Variants in ROBO1 observed in about 807,000 individuals in gnomAD.
ROBO1 encodes roundabout homolog 1.
In ROBO1, 149 loss-of-function variants were observed where a neutral mutation model predicts 195.9. The ratio of observed to expected loss-of-function variants is 0.76; its 90% confidence interval spans 0.67 to 0.87. The LOEUF (loss-of-function observed/expected upper bound fraction) is 0.87. Among genes scored for constraint, ROBO1 ranks in the 40% least tolerant of loss-of-function variants. The probability of loss-of-function intolerance (pLI) is 0.00; values close to 1 mark genes in which losing one functional copy is unlikely to be tolerated. For missense variants in ROBO1, 1,933 were observed against 2,068.3 expected, an observed-to-expected ratio of 0.93 and a Z score of 1.27; for synonymous variants, 816 against 733.2, an observed-to-expected ratio of 1.11 and a Z score of -1.82.
intron 5 of ROBO1, among the ~76,000 whole-genome samples, chr3:78,720,100 G>T (rs1002408192): frequency 6.6e-6 from 1 of 152,086 alleles, no homozygotes; most frequent in Non-Finnish European, 1.5e-5. Context: ...TCTGGTATGC[G>T]CATTGTAAAA....
At position 78,959,156 on chromosome 3, in the gene ROBO1, C is replaced by CA. The variant is rs548356912; in HGVS notation, c.173-20230dup. 5.9e-4 allele frequency among the ~76,000 whole-genome samples: 90 copies of CA among 151,694 alleles called. 1 individual carries two copies. Among genetic ancestry groups the CA allele is most frequent in the Admixed American group, 1.4e-3 (22 of 15,224 alleles). On this transcript the variant is annotated intron_variant, in intron 3 of 30. Transcript: ENST00000464233. ...CAGACTGAAAGAGCAAATATCCCAT[C>CA]AAAAAAAATTAATCATAGTAACTAG...
intron 4 of ROBO1, among the ~76,000 whole-genome samples, chr3:78,845,718 AC>A (rs5850398): frequency 0.1 from 15,953 of 152,136 alleles, 1,457 homozygotes; most frequent in African/African-American, 0.24. Flanking sequence ...TGTCTGGGGA[AC>A]CCCCGGAGGG....
chr3:79,527,256 G>T (rs1941469878), intron 2 of ROBO1, among the ~76,000 whole-genome samples: 1 of 151,858 alleles, frequency 6.6e-6, no homozygotes, highest in South Asian at 2.1e-4. Flanking sequence ...AAAAATTTTG[G>T]AAAGTCTACA....
chr3:79,021,521 G>A (rs1468301329), intron 3 of ROBO1, among the ~76,000 whole-genome samples: 3 of 152,066 alleles, frequency 2.0e-5, no homozygotes, highest in Admixed American at 6.6e-5. Context: ...CTGGTCTCTG[G>A]AAGTTTGCTC....
intron 2 of ROBO1, among the ~76,000 whole-genome samples, chr3:79,417,106 A>G (rs1030455586): frequency 1.3e-5 from 2 of 152,178 alleles, no homozygotes; most frequent in Non-Finnish European, 2.9e-5. Flanking sequence ...CTCCTTCAAG[A>G]AGTGGATCTT....
chr3:79,508,981 A>G (rs1940556030), intron 2 of ROBO1, among the ~76,000 whole-genome samples: 1 of 152,194 alleles, frequency 6.6e-6, no homozygotes, highest in Admixed American at 6.5e-5. Context: ...AAGAATTCAT[A>G]GTTGAAGACA....
chr3:79,656,502 T>A (rs1046820262), intron 1 of ROBO1, among the ~76,000 whole-genome samples: 17 of 152,120 alleles, frequency 1.1e-4, no homozygotes, highest in Non-Finnish European at 1.2e-4. Context: ...AGACATTTTA[T>A]TTTATTTATT....
At chr3:78,693,031 T>C (rs967550341) in intron 8 of ROBO1, 19 of 243,492 alleles carry the variant, frequency 7.8e-5, no homozygotes, top group Non-Finnish European at 1.3e-4. Context: ...TTACGATATA[T>C]ATATATTCGA....
intron 2 of ROBO1, among the ~76,000 whole-genome samples, chr3:79,241,579 C>G (rs1386137791): frequency 6.6e-6 from 1 of 151,670 alleles, no homozygotes; most frequent in Non-Finnish European, 1.5e-5. Context: ...CTATTGTGGA[C>G]TATTAAATTT....
intron 5 of ROBO1, among the ~76,000 whole-genome samples, chr3:78,744,826 T>C (rs983843377): frequency 6.6e-6 from 1 of 152,230 alleles, no homozygotes; most frequent in Non-Finnish European, 1.5e-5. Flanking sequence ...GAGTTTAACT[T>C]ACTGTATGTT....
chr3:79,490,339 GAA>G (rs1253485567), intron 2 of ROBO1, among the ~76,000 whole-genome samples: 1 of 152,112 alleles, frequency 6.6e-6, no homozygotes, highest in African/African-American at 2.4e-5. Flanking sequence ...TGCTGTACTG[GAA>G]ATCCACTCAT....
intron 14 of ROBO1, among the ~76,000 whole-genome samples, chr3:78,666,133 C>G (rs994661190): frequency 6.6e-6 from 1 of 151,942 alleles, no homozygotes; most frequent in Non-Finnish European, 1.5e-5. Context: ...CCATGTGAAC[C>G]GGGACGTGTT....
At chr3:79,693,212 A>G (rs1947344665) in intron 1 of ROBO1, among the ~76,000 whole-genome samples, 1 of 151,886 alleles carries the variant, frequency 6.6e-6, no homozygotes, top group South Asian at 2.1e-4. Flanking sequence ...GCATTTCACA[A>G]TGTATAAATA....
intron 1 of ROBO1, among the ~76,000 whole-genome samples, chr3:79,758,984 G>T (rs540279869): frequency 6.6e-6 from 1 of 152,178 alleles, no homozygotes; most frequent in Admixed American, 6.5e-5. Context: ...TTTATATTTG[G>T]TATAGAGATT....
chr3:79,639,214 C>T (rs1025965674), intron 1 of ROBO1, among the ~76,000 whole-genome samples: 1 of 152,064 alleles, frequency 6.6e-6, no homozygotes, highest in African/African-American at 2.4e-5. Context: ...TCCAATATGT[C>T]ACAGTTTAGA....
Position 79,055,425 on chromosome 3 carries a change from C to T in ROBO1, c.172+70031G>A, listed in dbSNP as rs1278670988. Among the ~76,000 whole-genome samples the T allele has an allele frequency of 3.9e-5, 6 of 152,156 alleles. No individual in the cohort carries two copies. The South Asian group carries it at 1.2e-3, about 32-fold the overall frequency. On this transcript the variant is annotated intron_variant, in intron 3 of 30. Coordinates refer to ENST00000464233, the MANE Select transcript of ROBO1 (RefSeq NM_002941.4). ...TGAGGGCTGATGTTTCTATTATTTC[C>T]TCTAGTTTATGACCTTCCTCCTCAC...
At chr3:79,529,514 G>T (rs1941565071) in intron 2 of ROBO1, among the ~76,000 whole-genome samples, 1 of 152,058 alleles carries the variant, frequency 6.6e-6, no homozygotes, top group South Asian at 2.1e-4. Context: ...AAGAATTCAA[G>T]AATTCAAAGA....
rs952143935 is a variant in ROBO1, at chr3:78,655,256, T to C, written c.2614+1842A>G. 3.3e-5 allele frequency among the ~76,000 whole-genome samples: 5 copies of C among 152,204 alleles called. No individual in the cohort carries two copies. In the East Asian group the frequency reaches 9.6e-4, roughly 29 times the overall value. ...ATGATAGAGACAGCAAGTTTTTCCC[T>C]AAAAGCTTGAATGGGACTCTCATAT... On this transcript the variant is annotated intron_variant, in intron 18 of 30. Coordinates refer to ENST00000464233, the MANE Select transcript of ROBO1 (RefSeq NM_002941.4).
At chr3:79,284,416 G>A (rs2031750931) in intron 2 of ROBO1, among the ~76,000 whole-genome samples, 1 of 151,980 alleles carries the variant, frequency 6.6e-6, no homozygotes, top group Non-Finnish European at 1.5e-5. Context: ...AAACCACCAT[G>A]GCACATGTAT....
Sources: gnomAD v4.1 joint callset for allele counts (sites outside exome capture counted in the v4.1 genomes callset) on GRCh38, gnomAD v4.1.1 for gene constraint, MANE v1.5 for transcripts, NCBI Gene and HGNC (gene_info 2026-07-23, HGNC 2026-07-21) for gene names.